Variants in CEP112 observed in about 807,000 individuals in gnomAD.
CEP112 encodes centrosomal protein of 112 kDa.
In CEP112, 127 loss-of-function variants were observed where a neutral mutation model predicts 153.0. The observed-to-expected ratio is 0.83, with a 90% confidence interval of 0.72 to 0.96. The LOEUF is 0.96. Ranked by LOEUF, CEP112 falls within the 40% of genes least tolerant of loss-of-function variation. CEP112 has a pLI of 0.00. For missense variants in CEP112, 1,089 were observed against 1,101.2 expected (o/e 0.99, Z 0.16); for synonymous variants, 358 against 374.4 (o/e 0.96, Z 0.51).
At chr17:65,840,020 C>T (rs2057459508) in intron 21 of CEP112, among the ~76,000 whole-genome samples, 1 of 151,894 alleles carries the variant, frequency 6.6e-6, no homozygotes, top group Non-Finnish European at 1.5e-5. Flanking sequence ...AAAGAGAACA[C>T]AAAAATGGAA....
chr17:65,769,796 C>A (rs1297666988), intron 21 of CEP112, among the ~76,000 whole-genome samples: 1 of 152,134 alleles, frequency 6.6e-6, no homozygotes, highest in Middle Eastern at 3.4e-3. Flanking sequence ...GCAGTTTTCC[C>A]TGTGAGTTTA....
At chr17:66,060,485 C>T (rs930417779) in intron 11 of CEP112, among the ~76,000 whole-genome samples, 1 of 152,094 alleles carries the variant, frequency 6.6e-6, no homozygotes, top group African/African-American at 2.4e-5. Flanking sequence ...GGAGGCATCA[C>T]AGTAACTGAC....
At chr17:65,714,881 C>G (rs1288358299) in intron 23 of CEP112, among the ~76,000 whole-genome samples, 1 of 152,006 alleles carries the variant, frequency 6.6e-6, no homozygotes, top group Non-Finnish European at 1.5e-5. Flanking sequence ...GCTAGTGGAG[C>G]TGTTAGGCAG....
chr17:66,029,832 T>C (rs2065386473), intron 13 of CEP112, 37 bp downstream of exon 13: 2 of 1,581,586 alleles, frequency 1.3e-6, no homozygotes, highest in South Asian at 1.1e-5. Context: ...CAGTACTTTA[T>C]AGCTACACCT....
chr17:65,954,298 AG>A lies in CEP112; in HGVS notation c.1872+7164del, dbSNP rs561079703. ...CTTAGGAAGCCTCATTCCTAGGGGA[AG>A]GGGGAGCCTCATTCCAAATCACCAC... On this transcript the variant is annotated intron_variant, in intron 18 of 26. Coordinates refer to ENST00000535342, the MANE Select transcript of CEP112 (RefSeq NM_001199165.4). 6.9e-3 allele frequency among the ~76,000 whole-genome samples: 1,048 copies of A among 152,328 alleles called. 3 individuals carry two copies. Among genetic ancestry groups the A allele is most frequent in the Non-Finnish European group, 9.8e-3 (668 of 68,024 alleles).
chr17:65,763,190 A>G (rs1316252712), intron 21 of CEP112, among the ~76,000 whole-genome samples: 1 of 151,940 alleles, frequency 6.6e-6, no homozygotes, highest in Non-Finnish European at 1.5e-5. Context: ...TCTCCTTTTT[A>G]TACGTAAGGT....
intron 17 of CEP112, among the ~76,000 whole-genome samples, chr17:65,971,543 G>A (rs991697949): frequency 4.6e-5 from 7 of 152,112 alleles, no homozygotes; most frequent in African/African-American, 1.2e-4. Flanking sequence ...AATGTATGTT[G>A]CATGTATGTT....
At chr17:65,907,154 T>C (rs1339907911) in intron 19 of CEP112, among the ~76,000 whole-genome samples, 1 of 152,182 alleles carries the variant, frequency 6.6e-6, no homozygotes, top group Non-Finnish European at 1.5e-5. Context: ...TGACTAGAAC[T>C]AGCTGTGAGA....
At chr17:66,179,668 A>T (rs1209066945) in intron 2 of CEP112, among the ~76,000 whole-genome samples, 1 of 152,116 alleles carries the variant, frequency 6.6e-6, no homozygotes, top group Non-Finnish European at 1.5e-5. Flanking sequence ...TCCAATTTCG[A>T]TGCCCTTTAT....
chr17:66,050,010 T>C (rs8066868), intron 12 of CEP112, among the ~76,000 whole-genome samples: 1 of 121,904 alleles, frequency 8.2e-6, no homozygotes, highest in African/African-American at 2.7e-5. Flanking sequence ...AGAACTAAAT[T>C]AAAAAACTCA....
intron 18 of CEP112, among the ~76,000 whole-genome samples, chr17:65,944,757 T>C (rs2061601827): frequency 6.6e-6 from 1 of 151,996 alleles, no homozygotes; most frequent in Non-Finnish European, 1.5e-5. Flanking sequence ...GTCCAGATAA[T>C]TTTTTAATTT....
At chr17:66,027,845 T>C (rs2065282283) in intron 15 of CEP112, among the ~76,000 whole-genome samples, 1 of 151,970 alleles carries the variant, frequency 6.6e-6, no homozygotes, top group Non-Finnish European at 1.5e-5. Flanking sequence ...AATGACCAAG[T>C]CAATAAATAT....
At chr17:66,181,377 G>A (rs1007366739) in intron 2 of CEP112, among the ~76,000 whole-genome samples, 1 of 151,522 alleles carries the variant, frequency 6.6e-6, no homozygotes, top group African/African-American at 2.4e-5. Flanking sequence ...ATGGAGTCTC[G>A]CTCTGTCGCC....
intron 16 of CEP112, among the ~76,000 whole-genome samples, chr17:66,024,625 C>T (rs1568393913): frequency 6.6e-6 from 1 of 151,724 alleles, no homozygotes; most frequent in African/African-American, 2.4e-5. Flanking sequence ...AACTACAAAA[C>T]ACTGTTGAAA....
intron 20 of CEP112, among the ~76,000 whole-genome samples, chr17:65,899,028 T>C (rs1354541502): frequency 6.6e-6 from 1 of 152,238 alleles, no homozygotes; most frequent in Non-Finnish European, 1.5e-5. Context: ...TCTTTCATTA[T>C]ATTATAGTTC....
At chr17:66,102,655 G>A (rs967969978) in intron 6 of CEP112, among the ~76,000 whole-genome samples, 24 of 151,464 alleles carry the variant, frequency 1.6e-4, no homozygotes, top group Admixed American at 9.2e-4. Context: ...AAAATTAGTC[G>A]GGTGTGGTGG....
intron 20 of CEP112, among the ~76,000 whole-genome samples, chr17:65,857,560 A>G (rs758691629): frequency 2.0e-5 from 3 of 152,224 alleles, no homozygotes; most frequent in Non-Finnish European, 2.9e-5. Flanking sequence ...ATTTCAATGC[A>G]TTAATGGAGT....
chr17:65,743,252 C>A, intron 22 of CEP112, 35 bp from the exon 23 acceptor site: 1 of 1,552,448 alleles, frequency 6.4e-7, no homozygotes, highest in Non-Finnish European at 8.7e-7. Context: ...ACTTCAAATT[C>A]TTCTGGGAGA....
At chr17:65,913,349 C>T in intron 19 of CEP112, 1 of 250,690 alleles carries the variant, frequency 4.0e-6, no homozygotes, top group Non-Finnish European at 6.3e-6. Flanking sequence ...ATGAGAAAAG[C>T]TCCCTTAAAG....
Sources: allele counts gnomAD v4.1 joint callset (sites outside exome capture counted in the v4.1 genomes callset), GRCh38; gene constraint gnomAD v4.1.1; transcripts MANE v1.5; gene names NCBI Gene and HGNC (gene_info 2026-07-23, HGNC 2026-07-21).